ASPRV1: variants seen among roughly 807,000 people sequenced by gnomAD.
The protein encoded by ASPRV1 is aspartic peptidase retroviral like 1.
A neutral mutation model predicts 11.0 loss-of-function variants in ASPRV1; 7 were observed. The observed-to-expected ratio is 0.64, with a 90% confidence interval of 0.36 to 1.20. The LOEUF (loss-of-function observed/expected upper bound fraction) is 1.20. Among genes scored for constraint, ASPRV1 ranks in the 50% most tolerant of loss-of-function variants. The pLI is 0.02. For missense variants in ASPRV1, 299 were observed against 320.0 expected, an observed-to-expected ratio of 0.93 and a Z score of 0.50; for synonymous variants, 136 against 138.4, an observed-to-expected ratio of 0.98 and a Z score of 0.12.
At chr2:69,957,804 C>G (rs972389585), downstream of ASPRV1, among the ~76,000 whole-genome samples, 1 of 152,140 alleles carries the variant, frequency 6.6e-6, no homozygotes, top group Non-Finnish European at 1.5e-5. Context: ...ACTGGAGGAA[C>G]TGATGTTCAT....
chr2:70,045,029 A>G, the ASPRV1 span, among the ~76,000 whole-genome samples: 2 of 152,182 alleles, frequency 1.3e-5, no homozygotes, highest in African/African-American at 4.8e-5. Flanking sequence ...GCCAATTGGT[A>G]TCTTTCCCAC....
the ASPRV1 span, among the ~76,000 whole-genome samples, chr2:69,979,235 A>G: frequency 6.6e-6 from 1 of 152,046 alleles, no homozygotes; most frequent in Non-Finnish European, 1.5e-5. Flanking sequence ...GGGTTTCACC[A>G]TGTTGGCCAG....
At chr2:70,064,464 G>T in the ASPRV1 span, among the ~76,000 whole-genome samples, 1 of 152,204 alleles carries the variant, frequency 6.6e-6, no homozygotes, top group Non-Finnish European at 1.5e-5. Context: ...ATGCAGAGTT[G>T]TAGGATCAAG....
the ASPRV1 span, chr2:69,940,001 C>T: frequency 2.7e-5 from 4 of 148,786 alleles, no homozygotes; most frequent in Non-Finnish European, 5.9e-5. Context: ...AAAAATGATT[C>T]TTTAATGTAT....
the ASPRV1 span, among the ~76,000 whole-genome samples, chr2:70,022,343 C>G: frequency 7.3e-3 from 941 of 128,134 alleles, 5 homozygotes; most frequent in African/African-American, 0.028. Context: ...GTGTTCTTAC[C>G]AAAACACACA....
At chr2:69,971,775 C>A in the ASPRV1 span, among the ~76,000 whole-genome samples, 1 of 152,178 alleles carries the variant, frequency 6.6e-6, no homozygotes, top group African/African-American at 2.4e-5. Flanking sequence ...AGCATTTGAA[C>A]TTGCATCATC....
chr2:69,961,463 C>A lies in ASPRV1; in HGVS notation c.-27G>T, dbSNP rs1433582841. On this transcript the variant is annotated 5_prime_UTR_variant, in exon 1 of 1. Coordinates refer to ENST00000320256, the MANE Select transcript of ASPRV1 (RefSeq NM_152792.4). Reference sequence around the variant, plus strand: ...CTGCTGCTCTCCTCTGGAACCTCAGCAGCAACCCACGCCAAGAAGAGAAAC... The same window carrying A: ...CTGCTGCTCTCCTCTGGAACCTCAGAAGCAACCCACGCCAAGAAGAGAAAC... 1 of 1,614,132 alleles carries A rather than the reference C, an allele frequency of 6.2e-7. No individual in the cohort carries two copies. Among genetic ancestry groups the A allele is most frequent in the Admixed American group, 1.7e-5 (1 of 60,030 alleles).
At chr2:70,023,859 A>G in the ASPRV1 span, among the ~76,000 whole-genome samples, 1 of 152,120 alleles carries the variant, frequency 6.6e-6, no homozygotes, top group Non-Finnish European at 1.5e-5. Flanking sequence ...TAGTTTTTAA[A>G]TATTAGAAAG....
downstream of ASPRV1, among the ~76,000 whole-genome samples, chr2:69,956,638 C>T (rs1396074516): frequency 1.3e-5 from 2 of 152,028 alleles, no homozygotes; most frequent in African/African-American, 2.4e-5. Context: ...GGTGCTGAGG[C>T]TAGTGGTGAC....
the ASPRV1 span, among the ~76,000 whole-genome samples, chr2:70,074,683 C>G: frequency 0.034 from 5,156 of 152,040 alleles, 115 homozygotes; most frequent in Middle Eastern, 0.065. Context: ...CTCTTTATTC[C>G]TAGTCCAGTG....
At chr2:69,953,718 T>C in the ASPRV1 span, among the ~76,000 whole-genome samples, 5 of 151,298 alleles carry the variant, frequency 3.3e-5, no homozygotes, top group South Asian at 2.1e-4. Flanking sequence ...TTTTTTTCTT[T>C]CTTTTTTGAG....
At chr2:69,966,873 G>A in the ASPRV1 span, among the ~76,000 whole-genome samples, 1 of 152,126 alleles carries the variant, frequency 6.6e-6, no homozygotes, top group Non-Finnish European at 1.5e-5. Flanking sequence ...AGAAGATGGG[G>A]GGCGGCGACA....
chr2:70,039,237 C>A, the ASPRV1 span, among the ~76,000 whole-genome samples: 1 of 152,098 alleles, frequency 6.6e-6, no homozygotes, highest in Non-Finnish European at 1.5e-5. Context: ...CTCCATTATC[C>A]CAAACCTTTG....
At chr2:70,061,264 G>A in the ASPRV1 span, among the ~76,000 whole-genome samples, 4 of 151,900 alleles carry the variant, frequency 2.6e-5, no homozygotes, top group South Asian at 2.1e-4. Flanking sequence ...GCATGGTGGC[G>A]CACGCCTGTA....
chr2:70,028,984 A>C, the ASPRV1 span, among the ~76,000 whole-genome samples: 1 of 152,256 alleles, frequency 6.6e-6, no homozygotes, highest in South Asian at 2.1e-4. Flanking sequence ...CCAAAATATC[A>C]ACCCTGGCAC....
At chr2:70,017,463 G>C in the ASPRV1 span, among the ~76,000 whole-genome samples, 1 of 151,510 alleles carries the variant, frequency 6.6e-6, no homozygotes, top group Non-Finnish European at 1.5e-5. Context: ...AGTTTTTTTC[G>C]TAAGATTAGT....
chr2:69,960,677 G>A lies in ASPRV1; in HGVS notation c.760C>T (p.Arg254Trp), dbSNP rs140244507. Residue 254 changes from arginine to tryptophan, a missense_variant, in exon 1 of 1, where the codon CGG (arginine) becomes TGG (tryptophan). Arg to Trp is a moderately radical substitution (Grantham distance 101). Transcript: ENST00000320256. ...IEEDPSSEEGRQELSH is the reference protein window; with the variant it reads ...IEEDPSSEEGWQELSH ...GCTTCTCAGTGGGATAGCTCCTGCC[G>A]CCCTTCTTCTGAGGAGGGGTCCTCC... 4.2e-4 allele frequency: 677 copies of A among 1,612,504 alleles called. 10 individuals carry two copies. The South Asian group carries it at 5.9e-3, about 14-fold the overall frequency.
chr2:69,977,405 C>T, the ASPRV1 span, among the ~76,000 whole-genome samples: 1 of 152,274 alleles, frequency 6.6e-6, no homozygotes, highest in South Asian at 2.1e-4. Context: ...TTTGCAGGTG[C>T]GATTCCTGCT....
the ASPRV1 span, among the ~76,000 whole-genome samples, chr2:69,933,291 A>G: frequency 6.6e-6 from 1 of 151,838 alleles, no homozygotes; most frequent in South Asian, 2.1e-4. Flanking sequence ...TGTATAAATT[A>G]TACTTTCTCA....
Sources: gnomAD v4.1 joint callset for allele counts (sites outside exome capture counted in the v4.1 genomes callset) on GRCh38, gnomAD v4.1.1 for gene constraint, MANE v1.5 for transcripts, NCBI Gene and HGNC (gene_info 2026-07-23, HGNC 2026-07-21) for gene names.